The following KCNAB2 variants were observed in gnomAD, a reference collection of about 807,000 sequenced individuals.
KCNAB2 encodes voltage-gated potassium channel subunit beta-2.
A neutral mutation model predicts 63.6 loss-of-function variants in KCNAB2; 29 were observed. The observed-to-expected ratio is 0.46, with a 90% CI of 0.34 to 0.62. KCNAB2 has a LOEUF of 0.62. Among genes scored for constraint, KCNAB2 ranks in the 20% least tolerant of loss-of-function variants. The pLI is 0.01. For synonymous variants in KCNAB2, 222 were observed against 224.2 expected, an observed-to-expected ratio of 0.99 and a Z score of 0.09; for missense variants, 359 against 563.9, an observed-to-expected ratio of 0.64 and a Z score of 3.68.
intron 2 of KCNAB2, among the ~76,000 whole-genome samples, chr1:6,053,216 A>T (rs1661534196): frequency 6.6e-6 from 1 of 152,016 alleles, no homozygotes; most frequent in Non-Finnish European, 1.5e-5. Flanking sequence ...ATTTCTCAAG[A>T]AGGAGACGCT....
chr1:6,025,140 C>T (rs1391556118), intron 1 of KCNAB2, among the ~76,000 whole-genome samples: 1 of 152,150 alleles, frequency 6.6e-6, no homozygotes, highest in East Asian at 1.9e-4. Context: ...ATTTTATTTT[C>T]CCTTCCTTTT....
chr1:6,033,134 G>A (rs2100403770), upstream of KCNAB2, among the ~76,000 whole-genome samples: 1 of 152,324 alleles, frequency 6.6e-6, no homozygotes, highest in East Asian at 1.9e-4. Context: ...AGGTATTGAG[G>A]GGTGGAGCTC....
chr1:6,077,117 C>T (rs1011938963), intron 4 of KCNAB2, among the ~76,000 whole-genome samples: 10 of 151,656 alleles, frequency 6.6e-5, no homozygotes, highest in Non-Finnish European at 1.2e-4. Context: ...ATCTGGGAGG[C>T]GGAGGTTGCA....
chr1:6,033,317 T>C (rs1156898187), upstream of KCNAB2, among the ~76,000 whole-genome samples: 1 of 149,672 alleles, frequency 6.7e-6, no homozygotes, highest in Admixed American at 6.7e-5. Context: ...GTGTGTGCAT[T>C]GCATGTGTGC....
At position 6,001,327 on chromosome 1, in the gene KCNAB2, C is replaced by CACAA. The variant is rs1464329426; in HGVS notation, c.-53+8542_-53+8543insAACA. Among the ~76,000 whole-genome samples, 3 of 151,526 alleles carry CACAA rather than the reference C, an allele frequency of 2.0e-5. No individual in the cohort carries two copies. The East Asian group carries it at 5.8e-4, about 29-fold the overall frequency. On this transcript the variant is annotated intron_variant, in intron 1 of 16. Transcript: ENST00000341524. Reference sequence around the variant, plus strand: ...ACACACACACACACACACACACACACACACTCTCCCAACACACACACAGAC... The same window carrying CACAA: ...ACACACACACACACACACACACACACACAAACACTCTCCCAACACACACACAGAC...
chr1:6,073,107 G>A lies in KCNAB2; in HGVS notation c.262+309G>A, dbSNP rs1426639763. On this transcript the variant is annotated intron_variant, in intron 3 of 15. Transcript: ENST00000378083. This position sits in a 1 kb window ranked among gnomAD's most constrained non-coding sequence, Gnocchi z 5.7. ...AAATCAGAGGCCCTTAGGGCCCCGG[G>A]AGTGCAACGAAGACACCTTACCTTC... is the stretch of plus-strand genomic sequence containing the variant. 1.3e-5 allele frequency among the ~76,000 whole-genome samples: 2 copies of A among 152,132 alleles called. No homozygotes were observed.
intron 2 of KCNAB2, among the ~76,000 whole-genome samples, chr1:6,054,301 G>C (rs528335285): frequency 6.6e-6 from 1 of 152,060 alleles, no homozygotes; most frequent in South Asian, 2.1e-4. Flanking sequence ...ACAAAGAATT[G>C]GACAAAACGC....
At position 6,003,546 on chromosome 1, in the gene KCNAB2, C is replaced by T. The variant is rs1657383721; in HGVS notation, c.-53+10758C>T. ...CTATAGTTCACTTAAACATTATTTC[C>T]TGGGAGATCCGGCAGCTCTTCACTC... On this transcript the variant is annotated intron_variant, in intron 1 of 16. Coordinates refer to the KCNAB2 transcript ENST00000341524. This position sits in a 1 kb window ranked among gnomAD's most constrained non-coding sequence, Gnocchi z 4.1. Among the ~76,000 whole-genome samples the T allele has an allele frequency of 6.6e-6, 1 of 152,186 alleles. No homozygotes were observed. The highest frequency in any genetic ancestry group is 1.5e-5 in the Non-Finnish European group (1 of 68,040).
chr1:6,057,674 CG>C (rs1661956468), intron 2 of KCNAB2, among the ~76,000 whole-genome samples: 1 of 152,184 alleles, frequency 6.6e-6, no homozygotes, highest in South Asian at 2.1e-4. Context: ...CAGGTGCAGC[CG>C]GGCCATACTT....
chr1:6,054,359 G>A (rs1322670417), intron 2 of KCNAB2, among the ~76,000 whole-genome samples: 1 of 152,214 alleles, frequency 6.6e-6, no homozygotes, highest in Non-Finnish European at 1.5e-5. Context: ...GCCGGGTGAG[G>A]TGGCTCACGC....
intron 2 of KCNAB2, among the ~76,000 whole-genome samples, chr1:6,060,111 C>T (rs1662183771): frequency 6.6e-6 from 1 of 152,256 alleles, no homozygotes; most frequent in Non-Finnish European, 1.5e-5. Context: ...ACTCCAGACA[C>T]AGAACCTGCT....
chr1:6,051,753 C>A lies in KCNAB2; in HGVS notation c.217C>A (p.Arg73=). 2 of 1,528,210 alleles carry A rather than the reference C, an allele frequency of 1.3e-6. No individual in the cohort carries two copies. The highest frequency in any genetic ancestry group is 1.8e-6 in the Non-Finnish European group (2 of 1,142,596). The allele number at this position is 1,528,210 out of a possible 1,614,324, so 94.7% of individuals were successfully genotyped here. A position where few individuals can be genotyped will look rare whatever the true frequency, so the allele number is the denominator to read the frequency against. Residue 73 remains arginine (R), a splice_region_variant and synonymous_variant, in exon 2 of 16, where the codon CGG becomes AGG. Transcript: ENST00000378083. ...CGCCCAGCGCACAGGCATGAAGTATCGGTAAGGGCCGGGCAGGGGGGCGGT... is the reference window on the plus strand; with the variant it reads ...CGCCCAGCGCACAGGCATGAAGTATAGGTAAGGGCCGGGCAGGGGGGCGGT... ...CTAQRTGMKY[R]NLGKSGLRVS...
intron 1 of KCNAB2, among the ~76,000 whole-genome samples, chr1:6,002,825 C>T (rs1272343843): frequency 2.6e-5 from 4 of 152,166 alleles, no homozygotes; most frequent in Admixed American, 6.5e-5. Flanking sequence ...GCGCTTCACC[C>T]GACTCTGGAC....
Position 6,093,896 on chromosome 1 carries a change from C to T in KCNAB2, c.647-504C>T, listed in dbSNP as rs186589162. Among the ~76,000 whole-genome samples, 37 of 152,348 alleles carry T rather than the reference C, an allele frequency of 2.4e-4. 1 individual carries two copies. Among genetic ancestry groups the T allele is most frequent in the African/African-American group, 7.7e-4 (32 of 41,580 alleles). ...CTGCCACATCTCCTTATCCAGCCCA[C>T]TCTCTGTTCCAATTAGACTTTGGAA... On this transcript the variant is annotated intron_variant, in intron 10 of 15. Transcript: ENST00000378083.
chr1:6,053,591 C>T (rs1000959557), intron 2 of KCNAB2, among the ~76,000 whole-genome samples: 4 of 152,122 alleles, frequency 2.6e-5, no homozygotes, highest in Admixed American at 1.3e-4. Context: ...GCTGGAGGAG[C>T]GAAGAGAAGG....
chr1:6,097,214 A>C, intron 14 of KCNAB2, 55 bp from the exon 15 acceptor site: 2 of 1,496,196 alleles, frequency 1.3e-6, no homozygotes, highest in Non-Finnish European at 1.8e-6. Flanking sequence ...AGGCAGACCC[A>C]TCAGGGGCCC....
rs1663525499 is a variant in KCNAB2 at position 6,074,800 on chromosome 1, C to G, written c.300+1030C>G. Among the ~76,000 whole-genome samples the G allele has an allele frequency of 6.6e-6, 1 of 151,984 alleles. No individual in the cohort carries two copies. Among genetic ancestry groups the G allele is most frequent in the Admixed American group, 6.6e-5 (1 of 15,256 alleles). On this transcript the variant is annotated intron_variant, in intron 4 of 15. Transcript: ENST00000378083. The surrounding 1 kb of genome is among the most constrained non-coding windows in gnomAD (Gnocchi z 4.9). The stretch of plus-strand genomic sequence containing the variant: ...TGAAACCCCATGTCTACTAAAAATA[C>G]AAAAATTAGCTGGGCGTGGTAGGGG...
rs1664669848 is a variant in KCNAB2 at position 6,086,028 on chromosome 1, A to G, written c.425+780A>G. 2 of 985,202 alleles carry G rather than the reference A, an allele frequency of 2.0e-6. No homozygotes were observed. 61.0% of individuals were successfully genotyped at this position (985,202 alleles called of 1,614,324 possible). On this transcript the variant is annotated intron_variant, in intron 6 of 15. Coordinates refer to ENST00000378083, the MANE Select transcript of KCNAB2 (RefSeq NM_001199862.2). The surrounding 1 kb of genome is among the most constrained non-coding windows in gnomAD (Gnocchi z 4.2). ...CCTTCCCAGGCCAAGGTCCTCACCCACCTTGGGACCAACTGGGCTGAGCAC... is the reference window on the plus strand; with the variant it reads ...CCTTCCCAGGCCAAGGTCCTCACCCGCCTTGGGACCAACTGGGCTGAGCAC...
chr1:6,077,344 A>AG (rs1343940148), intron 4 of KCNAB2, among the ~76,000 whole-genome samples: 1 of 152,220 alleles, frequency 6.6e-6, no homozygotes, highest in Non-Finnish European at 1.5e-5. Flanking sequence ...GCAAAATCAG[A>AG]GCCGTCAAAA....
Sources: allele counts gnomAD v4.1 joint callset (sites outside exome capture counted in the v4.1 genomes callset), GRCh38; gene constraint gnomAD v4.1.1; non-coding constraint Gnocchi (gnomAD v3.1); transcripts MANE v1.5; gene names NCBI Gene and HGNC (gene_info 2026-07-23, HGNC 2026-07-21).